The following PKD1L1 variants were observed in gnomAD, a reference collection of about 807,000 sequenced individuals.
The protein encoded by PKD1L1 is polycystin-1-like protein 1.
Under a neutral mutation model 323.4 loss-of-function variants are expected in PKD1L1, and 236 were observed. The observed-to-expected ratio is 0.73, with a 90% CI of 0.66 to 0.81. The LOEUF is 0.81. PKD1L1 is among the 40% of genes least tolerant of loss of function. The pLI is 0.00. For missense variants in PKD1L1, 3,320 were observed against 3,508.0 expected (o/e 0.95, Z 1.35); for synonymous variants, 1,344 against 1,335.0 (o/e 1.01, Z -0.15).
At chr7:47,933,780 C>T (rs145827975) in intron 4 of PKD1L1, among the ~76,000 whole-genome samples, 61 of 152,294 alleles carry the variant, frequency 4.0e-4, no homozygotes, top group African/African-American at 6.5e-4. Context: ...GATAAGGACA[C>T]GCGCACACTC....
chr7:47,837,255 A>T (rs1164712187), intron 36 of PKD1L1, among the ~76,000 whole-genome samples, 161 bp from the exon 37 acceptor site: 1 of 152,272 alleles, frequency 6.6e-6, no homozygotes, highest in East Asian at 1.9e-4. Context: ...GTGCAGGTAG[A>T]CAGCACTGCA....
intron 4 of PKD1L1, among the ~76,000 whole-genome samples, chr7:47,933,482 C>A (rs1275893339): frequency 6.6e-6 from 1 of 152,112 alleles, no homozygotes; most frequent in South Asian, 2.1e-4. Flanking sequence ...ATTAACTTTG[C>A]CTCGGTTTCT....
intron 56 of PKD1L1, among the ~76,000 whole-genome samples, chr7:47,785,507 T>C (rs1786785932): frequency 6.6e-6 from 1 of 152,026 alleles, no homozygotes; most frequent in Non-Finnish European, 1.5e-5. Flanking sequence ...CTCCTTTACC[T>C]CTCTCAGTGG....
chr7:47,889,874 C>G (rs1442463707), intron 16 of PKD1L1, among the ~76,000 whole-genome samples: 1 of 152,186 alleles, frequency 6.6e-6, no homozygotes, highest in East Asian at 1.9e-4. Flanking sequence ...GCCTGGGCTC[C>G]TGCTCCATCC....
At chr7:47,942,361 C>T (rs1788004848) in intron 2 of PKD1L1, among the ~76,000 whole-genome samples, 1 of 152,118 alleles carries the variant, frequency 6.6e-6, no homozygotes, top group Non-Finnish European at 1.5e-5. Flanking sequence ...TCCACATGAT[C>T]TTAACATAAG....
At position 47,858,768 on chromosome 7, in the gene PKD1L1, T is replaced by C. The variant is rs772197529; in HGVS notation, c.4267A>G (p.Ile1423Val). The change falls in exon 27 of 57, where the codon ATA (isoleucine) becomes GTA (valine). Residue 1423 changes from isoleucine to valine, a missense_variant. Transcript: ENST00000289672. ...TCAGAGACTTCCCAGACTCTGGATA[T>C]GAGACCGATGAGCTCAAGCCTCACT... ...KGVRLELIGL[I>V]SRVWEVSEQE... 1.2e-6 allele frequency: 2 copies of C among 1,614,198 alleles called. No individual in the cohort carries two copies. Among genetic ancestry groups the C allele is most frequent in the Non-Finnish European group, 1.7e-6 (2 of 1,180,022 alleles).
chr7:47,807,629 T>C (rs1784808397), intron 52 of PKD1L1, among the ~76,000 whole-genome samples: 1 of 152,130 alleles, frequency 6.6e-6, no homozygotes, highest in Non-Finnish European at 1.5e-5. Flanking sequence ...CAGCGTCCCA[T>C]GCTGTTGTGG....
At chr7:47,831,913 G>A (rs1018246661) in intron 41 of PKD1L1, among the ~76,000 whole-genome samples, 1 of 152,176 alleles carries the variant, frequency 6.6e-6, no homozygotes, top group Non-Finnish European at 1.5e-5. Context: ...GGCTGTGACT[G>A]GTCCCCTGCA....
chr7:47,826,197 C>T (rs928484911), intron 45 of PKD1L1, among the ~76,000 whole-genome samples: 1 of 152,180 alleles, frequency 6.6e-6, no homozygotes, highest in Admixed American at 6.5e-5. Flanking sequence ...CACCATGTTC[C>T]GTAGCTGCTA....
intron 19 of PKD1L1, among the ~76,000 whole-genome samples, chr7:47,884,137 T>C (rs1262964379): frequency 6.8e-6 from 1 of 147,128 alleles, no homozygotes; most frequent in East Asian, 2.0e-4. Context: ...GAGGAGGGAA[T>C]AAATACTGAG....
At chr7:47,952,504 G>A (rs1372162499), upstream of PKD1L1, among the ~76,000 whole-genome samples, 1 of 152,206 alleles carries the variant, frequency 6.6e-6, no homozygotes, top group Non-Finnish European at 1.5e-5. Context: ...GGGACAAGCA[G>A]CCAATCATAA....
In PKD1L1 at chr7:47,831,348, G is replaced by A; in HGVS notation, c.6342C>T (p.Pro2114=). ...GCATTAGTCCCTCCAAACCACTGCT[G>A]GGTGCTGCGGAAGAGTAGGACAGAG... ...SHCCPPHTQA[P]SSGLEGLMPQ... is the part of the protein sequence containing the mutation. The change falls in exon 42 of 57, where the codon CCC becomes CCT. Residue 2114 remains proline, a synonymous_variant. Coordinates refer to ENST00000289672, the MANE Select transcript of PKD1L1 (RefSeq NM_138295.5). 1 of 1,611,306 alleles carries A rather than the reference G, an allele frequency of 6.2e-7. No homozygotes were observed. Among genetic ancestry groups the A allele is most frequent in the Non-Finnish European group, 8.5e-7 (1 of 1,179,058 alleles).
In PKD1L1 at chr7:47,813,168, C is replaced by G; in HGVS notation, c.7299G>C (p.Gly2433=). ...CACAGTCCTCCCTTGTCCCACAGCCCCCAGGACCATTCAGGGTCACGTTTT... is the reference window on the plus strand; with the variant it reads ...CACAGTCCTCCCTTGTCCCACAGCCGCCAGGACCATTCAGGGTCACGTTTT... The part of the protein sequence containing the change: ...ENQNVTLNGP[G]GCGTREDCVL... Residue 2433 remains glycine, a synonymous_variant, in exon 49 of 57, where the codon GGG becomes GGC. Coordinates refer to ENST00000289672, the MANE Select transcript of PKD1L1 (RefSeq NM_138295.5). 1 of 1,614,132 alleles carries G rather than the reference C, an allele frequency of 6.2e-7. No individual in the cohort carries two copies. The highest frequency in any genetic ancestry group is 8.5e-7 in the Non-Finnish European group (1 of 1,180,026).
upstream of PKD1L1, among the ~76,000 whole-genome samples, chr7:47,950,014 C>T (rs1425914636): frequency 1.3e-5 from 2 of 152,182 alleles, no homozygotes; most frequent in Non-Finnish European, 2.9e-5. Flanking sequence ...GTGAGTAAAT[C>T]TCAGATTTGG....
chr7:47,849,937 T>A (rs2128740302), intron 31 of PKD1L1, among the ~76,000 whole-genome samples: 1 of 152,314 alleles, frequency 6.6e-6, no homozygotes. Flanking sequence ...CCAAATATTT[T>A]ATGTTCTCAC....
At chr7:47,956,489 A>C in the PKD1L1 span, among the ~76,000 whole-genome samples, 1 of 152,186 alleles carries the variant, frequency 6.6e-6, no homozygotes, top group Non-Finnish European at 1.5e-5. Flanking sequence ...ACCATTTGGC[A>C]CTACACGGGC....
upstream of PKD1L1, among the ~76,000 whole-genome samples, chr7:47,952,256 G>C (rs553451072): frequency 6.6e-5 from 10 of 152,172 alleles, no homozygotes; most frequent in African/African-American, 2.4e-4. Context: ...CCTTTGAGCT[G>C]GTTCCCAGAG....
At chr7:47,829,941 A>C in intron 43 of PKD1L1, 99 bp downstream of exon 43, 1 of 1,165,524 alleles carries the variant, frequency 8.6e-7, no homozygotes, top group Non-Finnish European at 1.3e-6. Context: ...CAGGGTATAA[A>C]GAAAAGTCAT....
intron 17 of PKD1L1, among the ~76,000 whole-genome samples, chr7:47,886,308 T>C (rs76633186): frequency 0.046 from 6,959 of 152,040 alleles, 374 homozygotes; most frequent in African/African-American, 0.14. Context: ...CGTTTGCTCT[T>C]CCAAGTCGGG....
Sources: gnomAD v4.1 joint callset for allele counts (sites outside exome capture counted in the v4.1 genomes callset) on GRCh38, gnomAD v4.1.1 for gene constraint, MANE v1.5 for transcripts, NCBI Gene and HGNC (gene_info 2026-07-23, HGNC 2026-07-21) for gene names.